The following MAPRE2 variants were observed in gnomAD, a reference collection of about 807,000 sequenced individuals.
The protein encoded by MAPRE2 is microtubule associated protein RP/EB family member 2, also known as microtubule-associated protein RP/EB family member 2.
MAPRE2 carries 13 observed loss-of-function variants against 43.2 expected under a neutral mutation model. The observed-to-expected ratio is 0.30, with a 90% CI of 0.20 to 0.48. The LOEUF (loss-of-function observed/expected upper bound fraction) is 0.48. Among genes scored for constraint, MAPRE2 ranks in the 20% least tolerant of loss-of-function variants. The probability of loss-of-function intolerance (pLI) is 0.99; values close to 1 mark genes in which losing one functional copy is unlikely to be tolerated. For synonymous variants in MAPRE2, 135 were observed against 148.8 expected (o/e 0.91, Z 0.68); for missense variants, 161 against 400.2 (o/e 0.40, Z 5.10).
At chr18:35,015,281 C>T (rs2097037433) in intron 2 of MAPRE2, among the ~76,000 whole-genome samples, 1 of 152,072 alleles carries the variant, frequency 6.6e-6, no homozygotes, top group Non-Finnish European at 1.5e-5. Flanking sequence ...GTGGATTCAC[C>T]TTCATTTCCT....
intron 2 of MAPRE2, among the ~76,000 whole-genome samples, chr18:35,075,426 C>T (rs998698948): frequency 6.6e-6 from 1 of 152,172 alleles, no homozygotes; most frequent in East Asian, 1.9e-4. Context: ...GAAATCTGCT[C>T]AGAGTCTAAA....
intron 2 of MAPRE2, among the ~76,000 whole-genome samples, chr18:35,009,999 G>C (rs1010974706): frequency 2.0e-5 from 3 of 152,086 alleles, no homozygotes; most frequent in African/African-American, 7.2e-5. Flanking sequence ...ATTAGGACTA[G>C]ATTAACCTAA....
intron 2 of MAPRE2, among the ~76,000 whole-genome samples, chr18:35,076,238 C>T (rs1352352417): frequency 1.3e-5 from 2 of 152,158 alleles, no homozygotes; most frequent in Admixed American, 6.5e-5. Context: ...GGGGACCCAG[C>T]GATAAATAAA....
chr18:35,119,482 C>T (rs1205255762), intron 4 of MAPRE2, among the ~76,000 whole-genome samples: 1 of 152,246 alleles, frequency 6.6e-6, no homozygotes, highest in African/African-American at 2.4e-5. Flanking sequence ...TCCACAAGGA[C>T]AAGCATCTTG....
chr18:35,075,129 C>A (rs888653129), intron 2 of MAPRE2, among the ~76,000 whole-genome samples: 4 of 152,116 alleles, frequency 2.6e-5, no homozygotes, highest in Non-Finnish European at 1.5e-5. Context: ...ATATTGTAGT[C>A]ACATTTGCAA....
chr18:35,081,652 G>T (rs1907637051), intron 2 of MAPRE2, among the ~76,000 whole-genome samples: 1 of 152,208 alleles, frequency 6.6e-6, no homozygotes, highest in Non-Finnish European at 1.5e-5. Context: ...TCACCTGCAA[G>T]TCTTGGGGAG....
intron 2 of MAPRE2, among the ~76,000 whole-genome samples, chr18:35,020,113 G>C (rs368674644): frequency 6.6e-6 from 1 of 152,088 alleles, no homozygotes; most frequent in African/African-American, 2.4e-5. Flanking sequence ...TGATGTGTTT[G>C]TCTCTGTTCT....
chr18:34,978,910 G>C (rs934905817), intron 1 of MAPRE2, among the ~76,000 whole-genome samples: 7 of 152,164 alleles, frequency 4.6e-5, no homozygotes, highest in Non-Finnish European at 8.8e-5. Context: ...AAATCAGGTT[G>C]TTTGGGAGTG....
chr18:35,055,524 A>G (rs1906170467), intron 1 of MAPRE2, among the ~76,000 whole-genome samples: 1 of 109,488 alleles, frequency 9.1e-6, no homozygotes, highest in Admixed American at 9.2e-5. Context: ...TTGCAGGGAC[A>G]CTATTCAGTT....
At chr18:35,100,725 G>A (rs1908635630) in intron 3 of MAPRE2, among the ~76,000 whole-genome samples, 1 of 152,028 alleles carries the variant, frequency 6.6e-6, no homozygotes, top group Non-Finnish European at 1.5e-5. Context: ...ACACAACTGG[G>A]CTACATATTA....
At chr18:35,128,812 A>G (rs1174462942) in intron 5 of MAPRE2, among the ~76,000 whole-genome samples, 3 of 152,038 alleles carry the variant, frequency 2.0e-5, no homozygotes, top group African/African-American at 7.2e-5. Context: ...TGCCACACCC[A>G]GTGTCCCACC....
intron 2 of MAPRE2, among the ~76,000 whole-genome samples, chr18:35,084,885 A>C (rs1443348862): frequency 2.6e-5 from 4 of 152,136 alleles, no homozygotes; most frequent in Admixed American, 6.5e-5. Flanking sequence ...CTTGATCTTT[A>C]TTTTGGCATT....
At chr18:35,085,724 T>G (rs945286902) in intron 2 of MAPRE2, among the ~76,000 whole-genome samples, 9 of 152,314 alleles carry the variant, frequency 5.9e-5, no homozygotes, top group Admixed American at 3.9e-4. Context: ...AAAGAGAACT[T>G]GGTGACAGAC....
chr18:34,984,954 T>A (rs1206396264), intron 1 of MAPRE2, among the ~76,000 whole-genome samples: 1 of 16,674 alleles, frequency 6.0e-5, no homozygotes, highest in Non-Finnish European at 1.2e-4. Flanking sequence ...TAAAATATAT[T>A]ATATATAAAA....
chr18:35,086,111 T>C (rs1481367526), intron 2 of MAPRE2, among the ~76,000 whole-genome samples: 2 of 152,148 alleles, frequency 1.3e-5, no homozygotes, highest in Non-Finnish European at 2.9e-5. Context: ...GGCATCTCTG[T>C]ATAATAGTTC....
intron 1 of MAPRE2, among the ~76,000 whole-genome samples, chr18:34,988,322 A>G (rs2097022030): frequency 6.6e-6 from 1 of 152,206 alleles, no homozygotes; most frequent in African/African-American, 2.4e-5. Flanking sequence ...TTTAGAAATT[A>G]TAGTATTGTA....
At chr18:35,024,557 G>A (rs1301714181) in intron 2 of MAPRE2, among the ~76,000 whole-genome samples, 1 of 152,216 alleles carries the variant, frequency 6.6e-6, no homozygotes, top group East Asian at 1.9e-4. Context: ...AGAATCTGAA[G>A]ATGAATAAAA....
chr18:35,114,644 C>A (rs1909326686), intron 4 of MAPRE2, among the ~76,000 whole-genome samples: 1 of 152,128 alleles, frequency 6.6e-6, no homozygotes, highest in Non-Finnish European at 1.5e-5. Context: ...AGGATAGATG[C>A]AATTGGCATG....
At chr18:35,122,971 G>C (rs1328036415) in intron 4 of MAPRE2, among the ~76,000 whole-genome samples, 1 of 152,246 alleles carries the variant, frequency 6.6e-6, no homozygotes, top group Non-Finnish European at 1.5e-5. Flanking sequence ...TCCCCAAGTG[G>C]CTGTGTGTGG....
Sources: allele counts gnomAD v4.1 joint callset (sites outside exome capture counted in the v4.1 genomes callset), GRCh38; gene constraint gnomAD v4.1.1; transcripts MANE v1.5; gene names NCBI Gene and HGNC (gene_info 2026-07-23, HGNC 2026-07-21).